The following PDE4D variants were observed in gnomAD, a reference collection of about 807,000 sequenced individuals.
The protein encoded by PDE4D is phosphodiesterase 4D, also known as 3',5'-cyclic-AMP phosphodiesterase 4D.
PDE4D carries 24 observed loss-of-function variants against 87.4 expected under a neutral mutation model. The observed-to-expected ratio is 0.27, with a 90% CI of 0.20 to 0.39. The LOEUF (loss-of-function observed/expected upper bound fraction) is 0.39. Ranked by LOEUF, PDE4D falls within the 10% of genes least tolerant of loss-of-function variation. The pLI is 1.00. For synonymous variants in PDE4D, 384 were observed against 383.2 expected, an observed-to-expected ratio of 1.00 and a Z score of -0.02; for missense variants, 714 against 1,041.0, an observed-to-expected ratio of 0.69 and a Z score of 4.32.
intron 1 of PDE4D, among the ~76,000 whole-genome samples, chr5:59,651,006 A>G (rs1743369175): frequency 6.6e-6 from 1 of 152,142 alleles, no homozygotes; most frequent in Non-Finnish European, 1.5e-5. Context: ...CTGTAATCTC[A>G]GCACTTTGGG....
intron 1 of PDE4D, among the ~76,000 whole-genome samples, chr5:59,640,414 C>T (rs533186324): frequency 6.6e-6 from 1 of 152,314 alleles, no homozygotes; most frequent in African/African-American, 2.4e-5. Context: ...TCTTTCTCTT[C>T]CTCCTCCTTA....
intron 1 of PDE4D, among the ~76,000 whole-genome samples, chr5:60,298,768 A>G (rs887816874): frequency 6.6e-6 from 1 of 152,146 alleles, no homozygotes; most frequent in African/African-American, 2.4e-5. Context: ...CTGACCCTTC[A>G]TTTTCTATAC....
chr5:59,262,443 T>G (rs1311347380), intron 1 of PDE4D, among the ~76,000 whole-genome samples: 2 of 151,652 alleles, frequency 1.3e-5, no homozygotes, highest in Admixed American at 6.6e-5. Context: ...ATTTCCTTCT[T>G]TTTTTTTAAG....
At chr5:60,048,700 C>A (rs574133576) in intron 2 of PDE4D, among the ~76,000 whole-genome samples, 22 of 152,038 alleles carry the variant, frequency 1.4e-4, no homozygotes, top group South Asian at 6.3e-4. Flanking sequence ...GGCCCCCACT[C>A]TCTTCTGGCT....
chr5:59,527,749 G>T (rs1813418390), intron 1 of PDE4D, among the ~76,000 whole-genome samples: 1 of 152,046 alleles, frequency 6.6e-6, no homozygotes, highest in Admixed American at 6.6e-5. Flanking sequence ...TAATTTTATT[G>T]TCAACATTTC....
At chr5:60,317,827 A>G (rs988513791) in intron 1 of PDE4D, among the ~76,000 whole-genome samples, 42 of 151,872 alleles carry the variant, frequency 2.8e-4, no homozygotes, top group African/African-American at 9.7e-4. Flanking sequence ...CTGAGTTCTG[A>G]TTTGATTGCA....
chr5:59,355,188 T>A (rs1423056346), intron 1 of PDE4D, among the ~76,000 whole-genome samples: 1 of 152,200 alleles, frequency 6.6e-6, no homozygotes, highest in Non-Finnish European at 1.5e-5. Flanking sequence ...CTTGAAAAAA[T>A]ATATTTATCA....
chr5:58,994,874 AT>A (rs1748831371), intron 6 of PDE4D, among the ~76,000 whole-genome samples: 1 of 151,602 alleles, frequency 6.6e-6, no homozygotes, highest in Admixed American at 6.6e-5. Flanking sequence ...AGAACTCGTC[AT>A]TTACATTGGG....
rs1204279896 is a variant in PDE4D at position 59,343,160 on chromosome 5, T to C, written c.456-127192A>G. Among the ~76,000 whole-genome samples the C allele has an allele frequency of 2.6e-5, 4 of 152,048 alleles. No homozygotes were observed. In the East Asian group the frequency reaches 5.8e-4, roughly 22 times the overall value. ...TGTTGTTCCCCCCTATGTATCCATGTGGTCTCATTATTTAGGTCACACTTA... is the reference window on the plus strand; with the variant it reads ...TGTTGTTCCCCCCTATGTATCCATGCGGTCTCATTATTTAGGTCACACTTA... On this transcript the variant is annotated intron_variant, in intron 1 of 14. Coordinates refer to ENST00000340635, the MANE Select transcript of PDE4D (RefSeq NM_001104631.2).
intron 1 of PDE4D, among the ~76,000 whole-genome samples, chr5:59,691,190 A>G (rs1750852861): frequency 6.6e-6 from 1 of 152,224 alleles, no homozygotes; most frequent in Non-Finnish European, 1.5e-5. Flanking sequence ...TGAACTAGAA[A>G]TACTATTTGA....
intron 2 of PDE4D, among the ~76,000 whole-genome samples, chr5:60,009,672 A>G (rs1764826448): frequency 6.6e-6 from 1 of 152,118 alleles, no homozygotes; most frequent in African/African-American, 2.4e-5. Flanking sequence ...ACCTCAAATC[A>G]AAAGTGGTAA....
At chr5:59,084,015 T>G (rs1767249854) in intron 5 of PDE4D, among the ~76,000 whole-genome samples, 1 of 152,084 alleles carries the variant, frequency 6.6e-6, no homozygotes, top group African/African-American at 2.4e-5. Flanking sequence ...ACAAGTAGAT[T>G]GTTTGTATAA....
intron 1 of PDE4D, among the ~76,000 whole-genome samples, chr5:59,579,668 C>A (rs751474869): frequency 4.6e-5 from 7 of 152,170 alleles, no homozygotes; most frequent in Non-Finnish European, 7.3e-5. Context: ...CAACAATGCC[C>A]CGCAGAGATG....
intron 2 of PDE4D, among the ~76,000 whole-genome samples, chr5:60,113,125 C>T (rs1014899275): frequency 6.6e-6 from 1 of 152,020 alleles, no homozygotes; most frequent in African/African-American, 2.4e-5. Context: ...TAATCAGGGC[C>T]TCTGTCACTT....
intron 1 of PDE4D, among the ~76,000 whole-genome samples, chr5:60,479,092 T>C (rs1748536659): frequency 6.6e-6 from 1 of 152,154 alleles, no homozygotes; most frequent in Non-Finnish European, 1.5e-5. Flanking sequence ...TAAGTCAGGA[T>C]TCAAACCCAA....
At chr5:59,403,273 C>T (rs1311184784) in intron 1 of PDE4D, among the ~76,000 whole-genome samples, 1 of 151,958 alleles carries the variant, frequency 6.6e-6, no homozygotes, top group African/African-American at 2.4e-5. Flanking sequence ...GAATCTATTA[C>T]TGCAAACATT....
chr5:59,014,927 A>G lies in PDE4D; in HGVS notation c.922-21462T>C, dbSNP rs992066544. 9.2e-5 allele frequency among the ~76,000 whole-genome samples: 14 copies of G among 152,340 alleles called. No individual in the cohort carries two copies. In the South Asian group the frequency reaches 2.3e-3, roughly 25 times the overall value. On this transcript the variant is annotated intron_variant, in intron 6 of 14. Coordinates refer to ENST00000340635, the MANE Select transcript of PDE4D (RefSeq NM_001104631.2). Reference sequence around the variant, plus strand: ...ATGGTACTGGTACAAGAACAGAGATATAGGCCAATGGAACAGAATAGAGCC... The same window carrying G: ...ATGGTACTGGTACAAGAACAGAGATGTAGGCCAATGGAACAGAATAGAGCC...
chr5:59,654,006 G>A (rs1032778119), intron 1 of PDE4D, among the ~76,000 whole-genome samples: 8 of 152,214 alleles, frequency 5.3e-5, no homozygotes, highest in Admixed American at 5.2e-4. Context: ...AGGAGTTCAA[G>A]CCCAGCCTGC....
intron 1 of PDE4D, among the ~76,000 whole-genome samples, chr5:59,879,767 G>C (rs1749161263): frequency 6.6e-6 from 1 of 152,172 alleles, no homozygotes; most frequent in Admixed American, 6.5e-5. Context: ...TGAGACGAAA[G>C]TCTCGCTCTG....
Sources: allele counts gnomAD v4.1 joint callset (sites outside exome capture counted in the v4.1 genomes callset), GRCh38; gene constraint gnomAD v4.1.1; transcripts MANE v1.5; gene names NCBI Gene and HGNC (gene_info 2026-07-23, HGNC 2026-07-21).